Variants in GID4 observed in about 807,000 individuals in gnomAD.
The protein encoded by GID4 is GID complex subunit 4 homolog.
Under a neutral mutation model 32.4 loss-of-function variants are expected in GID4, and 7 were observed. The ratio of observed to expected loss-of-function variants is 0.22; its 90% CI spans 0.12 to 0.41. The LOEUF (loss-of-function observed/expected upper bound fraction) is 0.41, where lower values mean the gene tolerates loss of function less well. Among genes scored for constraint, GID4 ranks in the 10% least tolerant of loss-of-function variants. The pLI is 1.00. For missense variants in GID4, 309 were observed against 400.0 expected (o/e 0.77, Z 1.94); for synonymous variants, 166 against 170.0 (o/e 0.98, Z 0.18).
intron 2 of GID4, among the ~76,000 whole-genome samples, chr17:18,049,655 T>C (rs916927677): frequency 6.6e-6 from 1 of 152,144 alleles, no homozygotes; most frequent in African/African-American, 2.4e-5. Context: ...CTTTTTTTTT[T>C]TGAGATGAAG....
At position 18,065,254 on chromosome 17, in the gene GID4, G is replaced by T; in HGVS notation, c.*11G>T. ...TATGAATTCCGGTGACAACGGTTCA[G>T]AACAGCAACCAAATAAAACTGAACT... On this transcript the variant is annotated 3_prime_UTR_variant, in exon 6 of 6. Coordinates refer to ENST00000268719, the MANE Select transcript of GID4 (RefSeq NM_024052.5). The T allele has an allele frequency of 6.2e-7, 1 of 1,609,102 alleles. No homozygotes were observed. Among genetic ancestry groups the T allele is most frequent in the South Asian group, 1.1e-5 (1 of 90,956 alleles).
chr17:18,039,867 A>G lies in GID4; in HGVS notation c.403A>G (p.Lys135Glu). Residue 135 changes from lysine (K) to glutamate (E), a missense_variant, in exon 1 of 6, where the codon AAG becomes GAG. By Grantham distance (56) the Lys-to-Glu change is moderately conservative. Around this residue, in one of 2 missense-constraint regions of GID4, gnomAD observed 116 missense variants for 214.2 expected, o/e 0.54. Transcript: ENST00000268719. The surrounding 1 kb of genome is among the most constrained non-coding windows in gnomAD (Gnocchi z 5.3). ...GSKFRGHQKSKGNSYDVEVVL... is the reference protein window; with the variant it reads ...GSKFRGHQKSEGNSYDVEVVL... ...CAAGTTCCGCGGCCACCAGAAGAGC[A>G]AGGGGAACTCGTACGACGTAGAGGT... 6.5e-7 allele frequency: 1 copy of G among 1,531,532 alleles called. No homozygotes were observed. Among genetic ancestry groups the G allele is most frequent in the East Asian group, 2.7e-5 (1 of 37,640 alleles). The allele number at this position is 1,531,532 out of a possible 1,614,324, so 94.9% of individuals were successfully genotyped here.
chr17:18,052,754 A>G (rs1164298817), intron 2 of GID4, among the ~76,000 whole-genome samples: 1 of 152,246 alleles, frequency 6.6e-6, no homozygotes, highest in East Asian at 1.9e-4. Context: ...AAAGCACCCA[A>G]GCCAGCACAT....
intron 3 of GID4, among the ~76,000 whole-genome samples, chr17:18,054,955 A>G (rs1415943115): frequency 6.6e-6 from 1 of 152,108 alleles, no homozygotes; most frequent in Non-Finnish European, 1.5e-5. Context: ...GCGGATCACC[A>G]GGTCAGGAGA....
intron 2 of GID4, among the ~76,000 whole-genome samples, chr17:18,046,646 G>T (rs1207321291): frequency 6.6e-6 from 1 of 151,836 alleles, no homozygotes; most frequent in Non-Finnish European, 1.5e-5. Context: ...TTGGGGTCGG[G>T]CGTGGTGGCT....
In GID4 at chr17:18,066,652, C is replaced by G. The variant is rs972141634; in HGVS notation, c.*1409C>G. 1 of 152,074 alleles carries G rather than the reference C, an allele frequency of 6.6e-6. No individual in the cohort carries two copies. The highest frequency in any genetic ancestry group is 1.5e-5 in the Non-Finnish European group (1 of 68,028). The allele number at this position is 152,074 out of a possible 1,614,324, so 9.4% of individuals were successfully genotyped here. A position where few individuals can be genotyped will look rare whatever the true frequency, so the allele number is the denominator to read the frequency against. On this transcript the variant is annotated 3_prime_UTR_variant, in exon 6 of 6. Coordinates refer to ENST00000268719, the MANE Select transcript of GID4 (RefSeq NM_024052.5). ...TAAAAACAAGATTGCATCATAACCC[C>G]CAGGAGCAAAGCAACCTGGAGGCTG...
intron 5 of GID4, 141 bp from the exon 6 acceptor site, chr17:18,065,039 C>T: frequency 1.5e-6 from 1 of 666,528 alleles, no homozygotes; most frequent in East Asian, 2.7e-5. Flanking sequence ...CTAGGTTCAA[C>T]TTGAGAAATA....
At chr17:18,058,517 G>A (rs984449237) in intron 3 of GID4, among the ~76,000 whole-genome samples, 7 of 152,114 alleles carry the variant, frequency 4.6e-5, no homozygotes, top group Admixed American at 3.3e-4. Context: ...TTGCTACTTC[G>A]GATTTACTTG....
chr17:18,041,870 C>A (rs1567583731), intron 1 of GID4, among the ~76,000 whole-genome samples: 1 of 152,214 alleles, frequency 6.6e-6, no homozygotes, highest in African/African-American at 2.4e-5. Context: ...TGAGTTGGGG[C>A]AGGGCTGATA....
chr17:18,048,144 G>C (rs569463607), intron 2 of GID4, among the ~76,000 whole-genome samples: 2 of 151,476 alleles, frequency 1.3e-5, no homozygotes, highest in East Asian at 3.9e-4. Context: ...CTCATGATCC[G>C]CCTGTCTCGG....
At chr17:18,049,905 CA>C in intron 2 of GID4, among the ~76,000 whole-genome samples, 1 of 152,320 alleles carries the variant, frequency 6.6e-6, no homozygotes, top group South Asian at 2.1e-4. Flanking sequence ...GCTGGGATTA[CA>C]GGCTTGAGCC....
At chr17:18,062,630 C>CT (rs1302449713) in intron 5 of GID4, among the ~76,000 whole-genome samples, 1 of 152,170 alleles carries the variant, frequency 6.6e-6, no homozygotes, top group Admixed American at 6.5e-5. Flanking sequence ...GTATTTAACA[C>CT]TTTGTTATAT....
At chr17:18,049,329 T>C (rs1449067032) in intron 2 of GID4, among the ~76,000 whole-genome samples, 1 of 138,398 alleles carries the variant, frequency 7.2e-6, no homozygotes, top group Non-Finnish European at 1.5e-5. Flanking sequence ...GAGTGAGACT[T>C]CGTGTCAAAA....
intron 2 of GID4, among the ~76,000 whole-genome samples, chr17:18,053,760 T>C (rs2044937765): frequency 6.6e-6 from 1 of 152,192 alleles, no homozygotes; most frequent in Non-Finnish European, 1.5e-5. Context: ...TGGAGCCTCT[T>C]TGGGTCTAAC....
At chr17:18,051,196 G>A (rs909350446) in intron 2 of GID4, among the ~76,000 whole-genome samples, 10 of 151,846 alleles carry the variant, frequency 6.6e-5, no homozygotes, top group East Asian at 1.9e-4. Context: ...AATAGAGACC[G>A]GGTCTTACTA....
intron 2 of GID4, among the ~76,000 whole-genome samples, chr17:18,048,018 A>G (rs941440270): frequency 1.1e-4 from 17 of 151,088 alleles, no homozygotes; most frequent in Middle Eastern, 6.8e-3. Context: ...CTCCTGCCTC[A>G]GCCTCCCGAG....
intron 1 of GID4, among the ~76,000 whole-genome samples, chr17:18,044,228 C>T (rs1194885983): frequency 6.6e-6 from 1 of 152,142 alleles, no homozygotes; most frequent in African/African-American, 2.4e-5. Context: ...TCTGATGAGC[C>T]AGAAATGGGT....
intron 4 of GID4, among the ~76,000 whole-genome samples, 183 bp downstream of exon 4, chr17:18,059,152 A>G (rs1319464481): frequency 6.6e-6 from 1 of 152,192 alleles, no homozygotes; most frequent in Non-Finnish European, 1.5e-5. Flanking sequence ...CAGGGCACGC[A>G]CTGGTTAACT....
chr17:18,062,012 T>G (rs1461595528), intron 5 of GID4, 37 bp downstream of exon 5: 3 of 1,606,304 alleles, frequency 1.9e-6, no homozygotes, highest in African/African-American at 2.7e-5. Context: ...CGGGGAGGGC[T>G]TGCTGCCCAG....
Sources: gnomAD v4.1 joint callset for allele counts (sites outside exome capture counted in the v4.1 genomes callset) on GRCh38, gnomAD v4.1.1 for gene constraint, gnomAD v4.1.1 regional missense constraint, Gnocchi (gnomAD v3.1) non-coding constraint, MANE v1.5 for transcripts, NCBI Gene and HGNC (gene_info 2026-07-23, HGNC 2026-07-21) for gene names.